The following RAB3IL1 variants were observed in gnomAD, a reference collection of about 807,000 sequenced individuals.
The protein encoded by RAB3IL1 is RAB3A interacting protein like 1.
Under a neutral mutation model 49.2 loss-of-function variants are expected in RAB3IL1, and 37 were observed. The ratio of observed to expected loss-of-function variants is 0.75; its 90% CI spans 0.58 to 0.99. The LOEUF is 0.99. Among genes scored for constraint, RAB3IL1 ranks in the 50% least tolerant of loss-of-function variants. The probability of loss-of-function intolerance (pLI) is 0.00; values close to 1 mark genes in which losing one functional copy is unlikely to be tolerated. For missense variants in RAB3IL1, 484 were observed against 513.0 expected, an observed-to-expected ratio of 0.94 and a Z score of 0.55; for synonymous variants, 193 against 213.9, an observed-to-expected ratio of 0.90 and a Z score of 0.85.
the RAB3IL1 span, among the ~76,000 whole-genome samples, chr11:61,927,129 C>G: frequency 1.3e-5 from 2 of 152,186 alleles, no homozygotes; most frequent in Non-Finnish European, 2.9e-5. Flanking sequence ...TAGGCATGAG[C>G]CAACGCACCC....
intron 4 of RAB3IL1, among the ~76,000 whole-genome samples, chr11:61,907,180 T>C (rs1939232684): frequency 6.6e-6 from 1 of 152,228 alleles, no homozygotes; most frequent in Admixed American, 6.5e-5. Flanking sequence ...GGCTCTGCCA[T>C]GCAGCAGAAT....
chr11:61,913,698 G>A (rs984250851), intron 1 of RAB3IL1, among the ~76,000 whole-genome samples: 1 of 152,144 alleles, frequency 6.6e-6, no homozygotes, highest in Non-Finnish European at 1.5e-5. Flanking sequence ...AATTGACACC[G>A]AAGACCTCCA....
chr11:61,917,603 G>A (rs1005371297), upstream of RAB3IL1: 49 of 1,044,828 alleles, frequency 4.7e-5, no homozygotes, highest in Admixed American at 1.7e-4. Context: ...ACACGTGCCC[G>A]GCCCCGCCCC....
intron 1 of RAB3IL1, among the ~76,000 whole-genome samples, chr11:61,912,715 G>C (rs1457254646): frequency 6.6e-6 from 1 of 152,170 alleles, no homozygotes; most frequent in African/African-American, 2.4e-5. Context: ...CAGAGGAAAG[G>C]GGATGAATGG....
intron 8 of RAB3IL1, 43 bp downstream of exon 8, chr11:61,902,399 T>C: frequency 6.6e-7 from 1 of 1,525,332 alleles, no homozygotes; most frequent in South Asian, 1.2e-5. Flanking sequence ...AGCACCCAGG[T>C]GGCCCCAAAG....
intron 2 of RAB3IL1, 65 bp downstream of exon 2, chr11:61,907,989 G>A: frequency 1.9e-6 from 3 of 1,543,788 alleles, no homozygotes; most frequent in Non-Finnish European, 2.6e-6. Context: ...CCTGATGAGA[G>A]CCCACAGCTC....
chr11:61,920,225 G>A, upstream of RAB3IL1: 1 of 1,249,384 alleles, frequency 8.0e-7, no homozygotes, highest in Non-Finnish European at 1.0e-6. Context: ...TCCCTCTGGA[G>A]GGTGCCGGGA....
At chr11:61,928,456 C>T in the RAB3IL1 span, among the ~76,000 whole-genome samples, 63 of 148,108 alleles carry the variant, frequency 4.3e-4, 2 homozygotes, top group Admixed American at 1.7e-3. Flanking sequence ...TCAAAATACA[C>T]GGAACTAGGA....
intron 1 of RAB3IL1, 96 bp downstream of exon 1, chr11:61,917,261 C>G: frequency 7.6e-7 from 1 of 1,319,762 alleles, no homozygotes; most frequent in Non-Finnish European, 9.7e-7. Flanking sequence ...CTCCGGGTGG[C>G]GGCGCAGACC....
At chr11:61,900,809 G>A (rs969395897) in intron 8 of RAB3IL1, among the ~76,000 whole-genome samples, 8 of 152,340 alleles carry the variant, frequency 5.3e-5, no homozygotes, top group Admixed American at 4.6e-4. Context: ...ACCCAGGCCA[G>A]GGACTTAAAG....
At chr11:61,903,771 C>T (rs967126511) in intron 7 of RAB3IL1, among the ~76,000 whole-genome samples, 5 of 152,070 alleles carry the variant, frequency 3.3e-5, no homozygotes, top group Admixed American at 6.5e-5. Context: ...GTGATCCACC[C>T]GCCTCAACCT....
At chr11:61,930,312 A>C in the RAB3IL1 span, among the ~76,000 whole-genome samples, 1 of 152,164 alleles carries the variant, frequency 6.6e-6, no homozygotes, top group Non-Finnish European at 1.5e-5. Context: ...TGTTCTAGAG[A>C]TGGATAATGG....
At chr11:61,920,762 A>G (rs1591244760), upstream of RAB3IL1, among the ~76,000 whole-genome samples, 2 of 152,302 alleles carry the variant, frequency 1.3e-5, no homozygotes, top group Non-Finnish European at 2.9e-5. Context: ...TGTCTCTACT[A>G]AAAATACAAA....
At chr11:61,903,178 T>C (rs1939008611) in intron 7 of RAB3IL1, among the ~76,000 whole-genome samples, 1 of 151,930 alleles carries the variant, frequency 6.6e-6, no homozygotes, top group African/African-American at 2.4e-5. Flanking sequence ...CTGGCCATCA[T>C]CTGCTCGGCT....
At chr11:61,899,590 A>G (rs1057098328) in intron 8 of RAB3IL1, 1 of 578,754 alleles carries the variant, frequency 1.7e-6, no homozygotes, top group African/African-American at 1.9e-5. Context: ...CAGCCATTTC[A>G]TCAAGCGCCT....
In RAB3IL1 at chr11:61,898,081, T is replaced by C. The variant is rs1253861860; in HGVS notation, c.*197A>G. On this transcript the variant is annotated 3_prime_UTR_variant, in exon 10 of 10. Coordinates refer to ENST00000394836, the MANE Select transcript of RAB3IL1 (RefSeq NM_013401.4). The surrounding 1 kb of genome is among the most constrained non-coding windows in gnomAD (Gnocchi z 5.1). ...ACCCAGTGGGGAAGAGAGGGGGGTC[T>C]TGCCGTGAAGTCCAGGCCCGTCTGT... 3 of 579,204 alleles carry C rather than the reference T, an allele frequency of 5.2e-6. No homozygotes were observed. The highest frequency in any genetic ancestry group is 1.9e-5 in the African/African-American group (1 of 52,742). 35.9% of individuals were successfully genotyped at this position (579,204 alleles called of 1,614,324 possible).
chr11:61,934,420 A>ATG, the RAB3IL1 span, among the ~76,000 whole-genome samples: 33 of 61,816 alleles, frequency 5.3e-4, no homozygotes, highest in East Asian at 1.3e-3. Flanking sequence ...ATACATATAT[A>ATG]TGTGTATGTG....
the RAB3IL1 span, chr11:61,945,643 C>T: frequency 1.8e-6 from 1 of 552,620 alleles, no homozygotes; most frequent in South Asian, 7.8e-5. Context: ...TGACAGCATC[C>T]AGGCCCTGCA....
intron 1 of RAB3IL1, among the ~76,000 whole-genome samples, chr11:61,913,503 C>T (rs769787353): frequency 6.6e-6 from 1 of 152,130 alleles, no homozygotes; most frequent in Non-Finnish European, 1.5e-5. Flanking sequence ...GCCACGCCTC[C>T]GCCGGCCATA....
Sources: gnomAD v4.1 joint callset for allele counts (sites outside exome capture counted in the v4.1 genomes callset) on GRCh38, gnomAD v4.1.1 for gene constraint, Gnocchi (gnomAD v3.1) non-coding constraint, MANE v1.5 for transcripts, NCBI Gene and HGNC (gene_info 2026-07-23, HGNC 2026-07-21) for gene names.